The following NXPE3 variants were observed in gnomAD, a reference collection of about 807,000 sequenced individuals.
The protein encoded by NXPE3 is NXPE family member 3.
In NXPE3, 26 loss-of-function variants were observed where a neutral mutation model predicts 46.1. The ratio of observed to expected loss-of-function variants is 0.56; its 90% CI spans 0.41 to 0.78. The LOEUF is 0.78. Ranked by LOEUF, NXPE3 falls within the 30% of genes least tolerant of loss-of-function variation. The pLI, the probability that NXPE3 is intolerant of heterozygous loss-of-function variation, is 0.00. For missense variants in NXPE3, 620 were observed against 686.0 expected, an observed-to-expected ratio of 0.90 and a Z score of 1.07; for synonymous variants, 272 against 257.9, an observed-to-expected ratio of 1.05 and a Z score of -0.52.
intron 5 of NXPE3, among the ~76,000 whole-genome samples, chr3:101,804,059 C>T (rs1467055615): frequency 6.6e-6 from 1 of 152,142 alleles, no homozygotes; most frequent in African/African-American, 2.4e-5. Flanking sequence ...TTGCCTAAAG[C>T]ATTTATCATT....
At chr3:101,789,014 C>G (rs569907886) in intron 4 of NXPE3, among the ~76,000 whole-genome samples, 68 of 152,228 alleles carry the variant, frequency 4.5e-4, no homozygotes, top group Non-Finnish European at 8.2e-4. Flanking sequence ...CTTATTACTC[C>G]TGATCACTCT....
At chr3:101,786,122 A>G (rs1940160226) in intron 4 of NXPE3, among the ~76,000 whole-genome samples, 1 of 152,152 alleles carries the variant, frequency 6.6e-6, no homozygotes, top group Non-Finnish European at 1.5e-5. Flanking sequence ...GAGGGAGTAG[A>G]TGAGTCTGTG....
intron 7 of NXPE3, 64 bp from the exon 8 acceptor site, chr3:101,821,340 G>C (rs1942238078): frequency 7.1e-7 from 1 of 1,414,216 alleles, no homozygotes; most frequent in South Asian, 1.2e-5. Context: ...ACTTAATAAG[G>C]TATAATCAAA....
In NXPE3 at chr3:101,827,924, C is replaced by G. The variant is rs1033642576; in HGVS notation, c.*5970C>G. The G allele has an allele frequency of 2.0e-5, 3 of 152,386 alleles. No individual in the cohort carries two copies. Among genetic ancestry groups the G allele is most frequent in the Non-Finnish European group, 2.9e-5 (2 of 68,154 alleles). The allele number at this position is 152,386 out of a possible 1,614,324, so 9.4% of individuals were successfully genotyped here. A position where few individuals can be genotyped will look rare whatever the true frequency, so the allele number is the denominator to read the frequency against. On this transcript the variant is annotated 3_prime_UTR_variant, in exon 8 of 8. Transcript: ENST00000273347. ...AAACAGGCTCTTAGCTTCCCCCGCCCCCGTCCTCACTAGAGTGGAGAACTG... is the reference window on the plus strand; with the variant it reads ...AAACAGGCTCTTAGCTTCCCCCGCCGCCGTCCTCACTAGAGTGGAGAACTG...
Position 101,802,009 on chromosome 3 carries a change from G to C in NXPE3, c.848+20G>C. ...CCAGAGGTATGTACTGCTTTTTCTT[G>C]GGGATGATTTGAAGAGTTCTTTTCC... On this transcript the variant is annotated intron_variant, in intron 5 of 7. Coordinates refer to ENST00000273347, the MANE Select transcript of NXPE3 (RefSeq NM_145037.4). 1 of 1,566,168 alleles carries C rather than the reference G, an allele frequency of 6.4e-7. No individual in the cohort carries two copies. Among genetic ancestry groups the C allele is most frequent in the Non-Finnish European group, 8.6e-7 (1 of 1,163,534 alleles).
chr3:101,809,755 T>G (rs150096327), intron 6 of NXPE3, among the ~76,000 whole-genome samples: 1 of 152,342 alleles, frequency 6.6e-6, no homozygotes, highest in East Asian at 1.9e-4. Context: ...TTGTTCCAGT[T>G]TTGGCAGTTG....
In NXPE3 at chr3:101,822,028, C is replaced by T. The variant is rs114053719; in HGVS notation, c.*74C>T. 1,780 of 1,380,606 alleles carry T rather than the reference C, an allele frequency of 1.3e-3. 21 individuals are homozygous for T. In the African/African-American group the frequency reaches 0.022, roughly 17 times the overall value. 85.5% of individuals were successfully genotyped at this position (1,380,606 alleles called of 1,614,324 possible). A position where few individuals can be genotyped will look rare whatever the true frequency, so the allele number is the denominator to read the frequency against. On this transcript the variant is annotated 3_prime_UTR_variant, in exon 8 of 8. Transcript: ENST00000273347. The stretch of plus-strand genomic sequence containing the variant: ...TGACCTGAGTTACAGAAAGTGGCCC[C>T]AGTGAGAGATGACTGCCCTTAATAA...
chr3:101,804,020 T>C (rs571344899), intron 5 of NXPE3, among the ~76,000 whole-genome samples: 3 of 152,370 alleles, frequency 2.0e-5, no homozygotes, highest in South Asian at 2.1e-4. Flanking sequence ...TAATATGTAA[T>C]GATCAAATCA....
At chr3:101,809,217 G>A (rs1416068224) in intron 6 of NXPE3, among the ~76,000 whole-genome samples, 1 of 152,124 alleles carries the variant, frequency 6.6e-6, no homozygotes, top group Non-Finnish European at 1.5e-5. Flanking sequence ...GAGGAAGAAA[G>A]TAACTATGAA....
chr3:101,806,296 C>T (rs1404176261), intron 5 of NXPE3, among the ~76,000 whole-genome samples: 1 of 151,930 alleles, frequency 6.6e-6, no homozygotes, highest in Admixed American at 6.6e-5. Flanking sequence ...GTACAAGAGA[C>T]CTAGTTTTAT....
chr3:101,799,959 C>T (rs1332518779), intron 4 of NXPE3, among the ~76,000 whole-genome samples: 1 of 151,618 alleles, frequency 6.6e-6, no homozygotes, highest in Non-Finnish European at 1.5e-5. Flanking sequence ...CTCTTTTTTT[C>T]TTAGCCTGGG....
chr3:101,827,400 A>G lies in NXPE3; in HGVS notation c.*5446A>G, dbSNP rs1553809024. 6.6e-6 allele frequency: 1 copy of G among 152,210 alleles called. No individual in the cohort carries two copies. The highest frequency in any genetic ancestry group is 1.5e-5 in the Non-Finnish European group (1 of 68,034). 9.4% of individuals were successfully genotyped at this position (152,210 alleles called of 1,614,324 possible). On this transcript the variant is annotated 3_prime_UTR_variant, in exon 8 of 8. Transcript: ENST00000273347. ...AAAGTGATCTTCATGTTACAGGACCATTGCTTTATTTATGTCACAGATTTC... is the reference window on the plus strand; with the variant it reads ...AAAGTGATCTTCATGTTACAGGACCGTTGCTTTATTTATGTCACAGATTTC...
At chr3:101,792,042 T>C (rs968609133) in intron 4 of NXPE3, among the ~76,000 whole-genome samples, 2 of 152,108 alleles carry the variant, frequency 1.3e-5, no homozygotes, top group Admixed American at 1.3e-4. Flanking sequence ...ATCAGTGATA[T>C]TGAGCTCTTT....
chr3:101,804,236 A>T (rs554813582), intron 5 of NXPE3, among the ~76,000 whole-genome samples: 2 of 152,360 alleles, frequency 1.3e-5, no homozygotes, highest in African/African-American at 4.8e-5. Context: ...TGGAAAATAG[A>T]GAAAGTTTAG....
rs905570901 is a variant in NXPE3 at position 101,828,152 on chromosome 3, G to C, written c.*6198G>C. ...CTGGAAACAATTGATTTGCTCTTACGTATTTGTGTGACTTGACTCTTCAAA... is the reference window on the plus strand; with the variant it reads ...CTGGAAACAATTGATTTGCTCTTACCTATTTGTGTGACTTGACTCTTCAAA... On this transcript the variant is annotated 3_prime_UTR_variant, in exon 8 of 8. Coordinates refer to ENST00000273347, the MANE Select transcript of NXPE3 (RefSeq NM_145037.4). The C allele has an allele frequency of 6.6e-6, 1 of 152,046 alleles. No individual in the cohort carries two copies. The highest frequency in any genetic ancestry group is 2.4e-5 in the African/African-American group (1 of 41,382). The allele number at this position is 152,046 out of a possible 1,614,324, so 9.4% of individuals were successfully genotyped here. A position where few individuals can be genotyped will look rare whatever the true frequency, so the allele number is the denominator to read the frequency against.
At chr3:101,796,487 G>A (rs1262163579) in intron 4 of NXPE3, among the ~76,000 whole-genome samples, 1 of 152,208 alleles carries the variant, frequency 6.6e-6, no homozygotes, top group Non-Finnish European at 1.5e-5. Context: ...AGTCAGTTGG[G>A]CGAGGAAGAA....
At position 101,825,676 on chromosome 3, in the gene NXPE3, T is replaced by C. The variant is rs935095990; in HGVS notation, c.*3722T>C. On this transcript the variant is annotated 3_prime_UTR_variant, in exon 8 of 8. Coordinates refer to ENST00000273347, the MANE Select transcript of NXPE3 (RefSeq NM_145037.4). ...TTAAATAGTCTTCATAAGTTAATTA[T>C]AAAGATCTGCTTAATAGTTCTGCTA... The C allele has an allele frequency of 2.6e-5, 4 of 152,212 alleles. No homozygotes were observed. Among genetic ancestry groups the C allele is most frequent in the African/African-American group, 7.2e-5 (3 of 41,462 alleles). The allele number at this position is 152,212 out of a possible 1,614,324, so 9.4% of individuals were successfully genotyped here.
In NXPE3 at chr3:101,812,323, G is replaced by A. The variant is rs72937667; in HGVS notation, c.923-4472G>A. Among the ~76,000 whole-genome samples, 479 of 152,052 alleles carry A rather than the reference G, an allele frequency of 3.2e-3. 2 individuals are homozygous for A. The highest frequency in any genetic ancestry group is 0.011 in the African/African-American group (444 of 41,462). On this transcript the variant is annotated intron_variant, in intron 6 of 7. Coordinates refer to ENST00000273347, the MANE Select transcript of NXPE3 (RefSeq NM_145037.4). ...TTTGATACAGAATATCTTTAATTTC[G>A]TTAACCGGGAAAATCAAAGGGCCCA...
chr3:101,785,358 G>T (rs947140802), intron 3 of NXPE3, 44 bp from the exon 4 acceptor site: 2 of 474,760 alleles, frequency 4.2e-6, no homozygotes, highest in Non-Finnish European at 7.8e-6. Flanking sequence ...CCCCACCCTA[G>T]GCCATTGCAA....
Sources: allele counts gnomAD v4.1 joint callset (sites outside exome capture counted in the v4.1 genomes callset), GRCh38; gene constraint gnomAD v4.1.1; transcripts MANE v1.5; gene names NCBI Gene and HGNC (gene_info 2026-07-23, HGNC 2026-07-21).